Variants in MICAL2 observed in about 807,000 individuals in gnomAD.
MICAL2 encodes the protein microtubule associated monooxygenase, calponin and LIM domain containing 2.
A neutral mutation model predicts 127.3 loss-of-function variants in MICAL2; 77 were observed. The ratio of observed to expected loss-of-function variants is 0.60; its 90% CI spans 0.50 to 0.73. MICAL2 has a LOEUF of 0.73. Ranked by LOEUF, MICAL2 falls within the 30% of genes least tolerant of loss-of-function variation. MICAL2 has a pLI of 0.00. For synonymous variants in MICAL2, 570 were observed against 551.1 expected, an observed-to-expected ratio of 1.03 and a Z score of -0.48; for missense variants, 1,351 against 1,434.4, an observed-to-expected ratio of 0.94 and a Z score of 0.94.
intron 34 of MICAL2, among the ~76,000 whole-genome samples, chr11:12,356,515 C>T (rs550601611): frequency 6.6e-6 from 1 of 152,244 alleles, no homozygotes; most frequent in African/African-American, 2.4e-5. Flanking sequence ...ATTGAGTCCC[C>T]TCATGGCATC....
At position 12,144,904 on chromosome 11, in the gene MICAL2, G is replaced by A. The variant is rs147863117; in HGVS notation, c.-78+6444G>A. Among the ~76,000 whole-genome samples the A allele has an allele frequency of 6.8e-3, 1,043 of 152,264 alleles. 11 individuals carry two copies. The highest frequency in any genetic ancestry group is 0.024 in the Middle Eastern group (7 of 294). ...TACAGACATCTGGGGAGAAGTTCCC[G>A]AGAGACTTCAGTTCCTCTGTATAGT... On this transcript the variant is annotated intron_variant, in intron 2 of 27. Coordinates refer to ENST00000683283, the MANE Select transcript of MICAL2 (RefSeq NM_001282663.2).
chr11:12,328,923 A>G (rs1864383578), intron 32 of MICAL2, among the ~76,000 whole-genome samples: 2 of 151,016 alleles, frequency 1.3e-5, no homozygotes, highest in African/African-American at 4.9e-5. Flanking sequence ...CCATCCAAGT[A>G]AGGGGTCCTG....
chr11:12,158,736 C>A (rs1213299468), intron 2 of MICAL2, among the ~76,000 whole-genome samples: 1 of 152,128 alleles, frequency 6.6e-6, no homozygotes, highest in Non-Finnish European at 1.5e-5. Context: ...GCATGGGATC[C>A]TGAAATCAAT....
chr11:12,142,230 A>G (rs765525063), intron 2 of MICAL2, among the ~76,000 whole-genome samples: 8 of 152,218 alleles, frequency 5.3e-5, no homozygotes, highest in Admixed American at 3.3e-4. Context: ...TCAAGGCCTA[A>G]TAAAACCTGG....
intron 33 of MICAL2, among the ~76,000 whole-genome samples, chr11:12,350,981 C>G (rs1450878282): frequency 6.6e-6 from 1 of 152,198 alleles, no homozygotes; most frequent in Non-Finnish European, 1.5e-5. Flanking sequence ...CTGCATCACT[C>G]TAGTCTCTGC....
At chr11:12,228,310 A>G (rs1294541194) in intron 15 of MICAL2, among the ~76,000 whole-genome samples, 1 of 152,164 alleles carries the variant, frequency 6.6e-6, no homozygotes, top group Non-Finnish European at 1.5e-5. Context: ...AGCCTGGATA[A>G]GAAGAGTGAA....
At chr11:12,141,727 G>C (rs746281938) in intron 2 of MICAL2, among the ~76,000 whole-genome samples, 4 of 152,198 alleles carry the variant, frequency 2.6e-5, no homozygotes, top group Non-Finnish European at 5.9e-5. Flanking sequence ...TTTTTGATCA[G>C]AGGGTAGTCA....
At chr11:12,318,900 G>A (rs1459568714) in intron 29 of MICAL2, among the ~76,000 whole-genome samples, 1 of 152,152 alleles carries the variant, frequency 6.6e-6, no homozygotes, top group African/African-American at 2.4e-5. Flanking sequence ...TCTACCTCTT[G>A]TTCAGAGACT....
intron 8 of MICAL2, 36 bp from the exon 9 acceptor site, chr11:12,220,165 G>A: frequency 1.2e-6 from 2 of 1,611,950 alleles, no homozygotes; most frequent in Non-Finnish European, 1.7e-6. Flanking sequence ...CCCTTTAGAG[G>A]GGGAGGTTGC....
intron 15 of MICAL2, among the ~76,000 whole-genome samples, chr11:12,228,347 G>C (rs58876361): frequency 6.6e-6 from 1 of 151,944 alleles, no homozygotes; most frequent in African/African-American, 2.4e-5. Context: ...ACAAAAAATT[G>C]GAGGCCTAGA....
downstream of MICAL2, chr11:12,292,167 C>G (rs1863911949): frequency 1.9e-6 from 3 of 1,613,958 alleles, no homozygotes; most frequent in East Asian, 6.7e-5. Context: ...AACAAAAGAA[C>G]TATGTCACCT....
chr11:12,151,465 A>T (rs1297545092), intron 2 of MICAL2, among the ~76,000 whole-genome samples: 2 of 152,114 alleles, frequency 1.3e-5, no homozygotes, highest in Non-Finnish European at 2.9e-5. Flanking sequence ...CCTAATACCT[A>T]CTGTATTAGC....
chr11:12,190,215 A>G (rs1253934531), intron 3 of MICAL2, among the ~76,000 whole-genome samples: 2 of 152,098 alleles, frequency 1.3e-5, no homozygotes, highest in Non-Finnish European at 2.9e-5. Flanking sequence ...CTGTTCTCTT[A>G]CTATCTGGAA....
In MICAL2 at chr11:12,236,930, G is replaced by T. The variant is rs541590758; in HGVS notation, c.2064+685G>T. 1.5e-3 allele frequency among the ~76,000 whole-genome samples: 224 copies of T among 152,324 alleles called. 3 individuals are homozygous for T. The highest frequency in any genetic ancestry group is 4.1e-4 in the South Asian group (2 of 4,826). On this transcript the variant is annotated intron_variant, in intron 16 of 27. Transcript: ENST00000683283. ...GATGCCAGCTTTTGCCAGCCTACTGGCTGACCTCAAAATGATGACTTAGAG... is the reference window on the plus strand; with the variant it reads ...GATGCCAGCTTTTGCCAGCCTACTGTCTGACCTCAAAATGATGACTTAGAG...
rs559835452 is a variant in MICAL2 at position 12,244,326 on chromosome 11, C to T, written c.2784+214C>T. Among the ~76,000 whole-genome samples the T allele has an allele frequency of 3.3e-5, 5 of 152,368 alleles. No individual in the cohort carries two copies. The East Asian group carries it at 7.7e-4, about 23-fold the overall frequency. On this transcript the variant is annotated intron_variant, in intron 21 of 27. Transcript: ENST00000683283. ...GTACAAAAGCTTGCCAAACAGGGCT[C>T]ATTCATTCAGCAAGCATTAATCAGG...
chr11:12,168,667 GGAAAA>G (rs1855847905), intron 3 of MICAL2, among the ~76,000 whole-genome samples: 1 of 150,972 alleles, frequency 6.6e-6, no homozygotes, highest in African/African-American at 2.4e-5. Flanking sequence ...TTCTTTATAA[GGAAAA>G]GAAAAGGTTT....
At chr11:12,141,358 A>G (rs1159764526) in intron 2 of MICAL2, among the ~76,000 whole-genome samples, 3 of 151,970 alleles carry the variant, frequency 2.0e-5, no homozygotes, top group Admixed American at 6.6e-5. Context: ...AGTCTCCTTG[A>G]CTTCTGTGGT....
chr11:12,211,007 A>G (rs1235328374), intron 6 of MICAL2, among the ~76,000 whole-genome samples: 3 of 152,248 alleles, frequency 2.0e-5, no homozygotes, highest in South Asian at 2.1e-4. Context: ...GAAATGCTAG[A>G]TGAGAATAAT....
intron 2 of MICAL2, among the ~76,000 whole-genome samples, chr11:12,145,404 G>C (rs1291822421): frequency 6.6e-6 from 1 of 152,206 alleles, no homozygotes; most frequent in Non-Finnish European, 1.5e-5. Flanking sequence ...GACGAGTCCT[G>C]TTTTCAGGGC....
Sources: gnomAD v4.1 joint callset for allele counts (sites outside exome capture counted in the v4.1 genomes callset) on GRCh38, gnomAD v4.1.1 for gene constraint, MANE v1.5 for transcripts, NCBI Gene and HGNC (gene_info 2026-07-23, HGNC 2026-07-21) for gene names.